HDAC4: variants seen among roughly 807,000 people sequenced by gnomAD.
The protein encoded by HDAC4 is histone deacetylase A.
In HDAC4, 16 loss-of-function variants were observed where a neutral mutation model predicts 135.1. The ratio of observed to expected loss-of-function variants is 0.12; its 90% CI spans 0.08 to 0.18. HDAC4 has a LOEUF of 0.18. HDAC4 is among the 10% of genes least tolerant of loss of function. HDAC4 has a pLI of 1.00. For missense variants in HDAC4, 1,143 were observed against 1,511.8 expected (o/e 0.76, Z 4.05); for synonymous variants, 685 against 653.4 (o/e 1.05, Z -0.74).
intron 3 of HDAC4, among the ~76,000 whole-genome samples, chr2:239,214,574 A>AGGT (rs1559236048): frequency 6.6e-6 from 1 of 152,236 alleles, no homozygotes; most frequent in Non-Finnish European, 1.5e-5. Flanking sequence ...AATTGGGGCC[A>AGGT]GGTGAGGAGG....
intron 2 of HDAC4, among the ~76,000 whole-genome samples, chr2:239,333,090 A>T (rs781277312): frequency 6.6e-6 from 1 of 152,190 alleles, no homozygotes; most frequent in Admixed American, 6.5e-5. Context: ...AAACTCCAAG[A>T]TAAGTTCATA....
chr2:239,180,177 C>T (rs2044054406), intron 4 of HDAC4, among the ~76,000 whole-genome samples: 2 of 152,146 alleles, frequency 1.3e-5, no homozygotes, highest in South Asian at 4.1e-4. Flanking sequence ...AGGTGGCCAC[C>T]ACACCCTCTC....
In HDAC4 at chr2:239,090,042, C is replaced by G. The variant is rs1200099668; in HGVS notation, c.2355G>C (p.Glu785Asp). The G allele has an allele frequency of 6.2e-7, 1 of 1,613,800 alleles. No homozygotes were observed. Among genetic ancestry groups the G allele is most frequent in the African/African-American group, 1.3e-5 (1 of 74,956 alleles). Residue 785 changes from glutamate to aspartate, a missense_variant, in exon 18 of 27, where the codon GAG becomes GAC. This residue lies in a region of HDAC4 where 189 missense variants were observed against 317.6 expected (regional missense o/e 0.60). Coordinates refer to ENST00000543185, the MANE Select transcript of HDAC4 (RefSeq NM_001378414.1). The stretch of plus-strand genomic sequence containing the variant: ...CCCCTGTGGCCACCTTGAAGACCAG[C>G]TCTACCACGCAGCCCACAGCCAGGC... ...AARLAVGCVV[E>D]LVFKVATGEL...
At chr2:239,380,261 G>A (rs1695321858) in intron 1 of HDAC4, among the ~76,000 whole-genome samples, 1 of 152,132 alleles carries the variant, frequency 6.6e-6, no homozygotes, top group Non-Finnish European at 1.5e-5. Context: ...ATCGAGGATG[G>A]GCATATGCAC....
chr2:239,108,306 C>T (rs556619363), intron 14 of HDAC4, 123 bp from the exon 15 acceptor site: 43 of 1,247,310 alleles, frequency 3.4e-5, no homozygotes, highest in Non-Finnish European at 4.1e-5. Context: ...GAAGCTGGGA[C>T]GGTTCTTTAG....
At chr2:239,343,327 T>C (rs1438591094) in intron 2 of HDAC4, among the ~76,000 whole-genome samples, 1 of 152,244 alleles carries the variant, frequency 6.6e-6, no homozygotes, top group Non-Finnish European at 1.5e-5. Flanking sequence ...CAGAGTTCGC[T>C]TGGTTATGCC....
intron 22 of HDAC4, among the ~76,000 whole-genome samples, chr2:239,070,682 C>T (rs1169302346): frequency 2.0e-5 from 3 of 152,218 alleles, no homozygotes; most frequent in Non-Finnish European, 4.4e-5. Context: ...CTGGTGTCTT[C>T]CTGCAATGAC....
At chr2:239,108,674 T>C (rs1477839598) in intron 14 of HDAC4, among the ~76,000 whole-genome samples, 1 of 152,210 alleles carries the variant, frequency 6.6e-6, no homozygotes, top group African/African-American at 2.4e-5. Context: ...TCCAAGGTAC[T>C]TGAGATTCCA....
intron 5 of HDAC4, among the ~76,000 whole-genome samples, chr2:239,172,536 T>G (rs2043520784): frequency 6.6e-6 from 1 of 152,046 alleles, no homozygotes; most frequent in Admixed American, 6.6e-5. Flanking sequence ...TATAGCTATA[T>G]AAGCATATGT....
At chr2:239,096,382 ACCTGCAACCTCCCCACAGACG>A (rs1386748410) in intron 16 of HDAC4, among the ~76,000 whole-genome samples, 1 of 59,776 alleles carries the variant, frequency 1.7e-5, no homozygotes, top group Non-Finnish European at 3.2e-5. Context: ...CCCCCCCGAC[ACCTGCAACCTCCCCACAGACG>A]CCTGCACCAT....
At chr2:239,312,694 G>T (rs979685460) in intron 2 of HDAC4, among the ~76,000 whole-genome samples, 1 of 152,182 alleles carries the variant, frequency 6.6e-6, no homozygotes, top group African/African-American at 2.4e-5. Flanking sequence ...TTCTTCCAGC[G>T]TGTCCCATGG....
chr2:239,168,455 C>T (rs2043245253), intron 5 of HDAC4, among the ~76,000 whole-genome samples: 1 of 152,084 alleles, frequency 6.6e-6, no homozygotes, highest in South Asian at 2.1e-4. Flanking sequence ...AAATGAATTG[C>T]ATTACTTGGT....
At chr2:239,059,050 G>A (rs530485677) in intron 24 of HDAC4, among the ~76,000 whole-genome samples, 2 of 152,300 alleles carry the variant, frequency 1.3e-5, no homozygotes, top group South Asian at 4.1e-4. Flanking sequence ...ATAGCAAAAA[G>A]AGAACCATGA....
At chr2:239,317,259 C>T (rs751437214) in intron 2 of HDAC4, among the ~76,000 whole-genome samples, 7 of 151,946 alleles carry the variant, frequency 4.6e-5, no homozygotes, top group African/African-American at 7.3e-5. Context: ...GAAGGCCAGC[C>T]GGTGGCCTTT....
intron 4 of HDAC4, among the ~76,000 whole-genome samples, chr2:239,179,939 G>T (rs930736450): frequency 1.3e-5 from 2 of 152,242 alleles, no homozygotes; most frequent in Non-Finnish European, 2.9e-5. Flanking sequence ...CGTTCTGAAT[G>T]TGAGTGAGCG....
chr2:239,206,043 TGTTA>T (rs2046026462), intron 3 of HDAC4, among the ~76,000 whole-genome samples: 1 of 152,218 alleles, frequency 6.6e-6, no homozygotes, highest in Admixed American at 6.5e-5. Flanking sequence ...CGAATATGGC[TGTTA>T]GTTACACCCA....
At chr2:239,378,381 C>T (rs1425570712) in intron 1 of HDAC4, among the ~76,000 whole-genome samples, 1 of 152,194 alleles carries the variant, frequency 6.6e-6, no homozygotes, top group Non-Finnish European at 1.5e-5. Flanking sequence ...AAGGCGTTGG[C>T]CCCGGGGAAC....
At chr2:239,234,236 C>T (rs959557619) in intron 3 of HDAC4, among the ~76,000 whole-genome samples, 19 of 152,304 alleles carry the variant, frequency 1.2e-4, no homozygotes, top group African/African-American at 4.1e-4. Flanking sequence ...TCCTGGGCAT[C>T]GCTGCTACGT....
rs540312949 is a variant in HDAC4 at position 239,250,894 on chromosome 2, G to A, written c.23-14230C>T. Among the ~76,000 whole-genome samples the A allele has an allele frequency of 1.4e-4, 22 of 152,308 alleles. No homozygotes were observed. The East Asian group carries it at 2.1e-3, about 15-fold the overall frequency. ...GGGGCGGTTTTCCCTCACCCTTGGC[G>A]GGATCCTCCCCTCTGCAGACCCGGG... On this transcript the variant is annotated intron_variant, in intron 2 of 26. Coordinates refer to ENST00000543185, the MANE Select transcript of HDAC4 (RefSeq NM_001378414.1).
Sources: gnomAD v4.1 joint callset for allele counts (sites outside exome capture counted in the v4.1 genomes callset) on GRCh38, gnomAD v4.1.1 for gene constraint, gnomAD v4.1.1 regional missense constraint, MANE v1.5 for transcripts, NCBI Gene and HGNC (gene_info 2026-07-23, HGNC 2026-07-21) for gene names.